The following NAV3 variants were observed in gnomAD, a reference collection of about 807,000 sequenced individuals.
The protein encoded by NAV3 is pore membrane and/or filament interacting like protein 1.
A neutral mutation model predicts 244.7 loss-of-function variants in NAV3; 87 were observed. That is an observed-to-expected ratio of 0.36 (90% CI 0.30 to 0.42). The LOEUF (loss-of-function observed/expected upper bound fraction) is 0.42, where lower values mean the gene tolerates loss of function less well. NAV3 is among the 20% of genes least tolerant of loss of function. The probability of loss-of-function intolerance (pLI) is 1.00; values close to 1 mark genes in which losing one functional copy is unlikely to be tolerated. For synonymous variants in NAV3, 1,126 were observed against 1,042.2 expected, an observed-to-expected ratio of 1.08 and a Z score of -1.55; for missense variants, 2,663 against 2,893.3, an observed-to-expected ratio of 0.92 and a Z score of 1.83.
At chr12:78,210,351 T>C in intron 39 of NAV3, 47 bp from the exon 40 acceptor site, 1 of 1,611,862 alleles carries the variant, frequency 6.2e-7, no homozygotes, top group South Asian at 1.1e-5. Flanking sequence ...TGGGCTGGCT[T>C]ACTCAATGCA....
intron 12 of NAV3, among the ~76,000 whole-genome samples, chr12:78,112,461 C>A (rs1265700348): frequency 1.3e-5 from 2 of 152,102 alleles, no homozygotes; most frequent in Non-Finnish European, 2.9e-5. Context: ...TTCAACATGA[C>A]TGGGGAGGCC....
chr12:77,725,728 C>T (rs1050171708), intron 2 of NAV3, among the ~76,000 whole-genome samples: 8 of 151,798 alleles, frequency 5.3e-5, no homozygotes, highest in Non-Finnish European at 1.0e-4. Flanking sequence ...TGATGGCTGG[C>T]GACCACAAAA....
chr12:77,876,213 C>T (rs531095294), intron 1 of NAV3, among the ~76,000 whole-genome samples: 1 of 152,064 alleles, frequency 6.6e-6, no homozygotes, highest in African/African-American at 2.4e-5. Flanking sequence ...AGTGAACATT[C>T]CCTCCATATT....
At chr12:78,114,357 C>T (rs1955260910) in intron 12 of NAV3, among the ~76,000 whole-genome samples, 1 of 152,076 alleles carries the variant, frequency 6.6e-6, no homozygotes, top group Non-Finnish European at 1.5e-5. Context: ...TTACCATATC[C>T]ATTTATTCTC....
At chr12:78,094,693 T>A (rs1954138714) in intron 12 of NAV3, among the ~76,000 whole-genome samples, 1 of 152,088 alleles carries the variant, frequency 6.6e-6, no homozygotes, top group Non-Finnish European at 1.5e-5. Context: ...AATTACCGGG[T>A]TATAAATCCA....
intron 22 of NAV3, among the ~76,000 whole-genome samples, chr12:78,151,649 T>C (rs1423770255): frequency 2.0e-5 from 3 of 151,854 alleles, no homozygotes. Context: ...AGAGAGGTAG[T>C]GTGACTATAG....
chr12:78,092,316 G>A (rs1012792633), intron 12 of NAV3, among the ~76,000 whole-genome samples: 3 of 151,890 alleles, frequency 2.0e-5, no homozygotes, highest in Non-Finnish European at 2.9e-5. Context: ...AAACAGAAAG[G>A]ACGTTGGAGG....
At chr12:77,938,103 C>G (rs959939739) in intron 1 of NAV3, among the ~76,000 whole-genome samples, 8 of 152,122 alleles carry the variant, frequency 5.3e-5, no homozygotes, top group Non-Finnish European at 1.2e-4. Flanking sequence ...TTTTTCAACC[C>G]ATGGCCCCAG....
intron 9 of NAV3, among the ~76,000 whole-genome samples, chr12:78,042,352 G>T (rs1009124331): frequency 6.6e-6 from 1 of 152,318 alleles, no homozygotes; most frequent in Non-Finnish European, 1.5e-5. Context: ...AACATTTTGG[G>T]TTTAGATGCC....
chr12:77,682,066 G>A (rs1434622391), intron 2 of NAV3, among the ~76,000 whole-genome samples: 1 of 152,066 alleles, frequency 6.6e-6, no homozygotes, highest in African/African-American at 2.4e-5. Flanking sequence ...CATGATGATA[G>A]ATCCCTTGAG....
intron 23 of NAV3, among the ~76,000 whole-genome samples, chr12:78,166,272 A>G (rs1315705371): frequency 6.6e-6 from 1 of 151,868 alleles, no homozygotes; most frequent in Non-Finnish European, 1.5e-5. Context: ...TGGAAAGCTC[A>G]GAGAAAAGAG....
rs1883912627 is a variant in NAV3, at chr12:78,058,983, C to T, written c.2517-13C>T. ...TTTAGTTTTCTGTGAATTAATTAGA[C>T]ATTTCTTTTCAGGTACATGACAGAT... On this transcript the variant is annotated splice_polypyrimidine_tract_variant and intron_variant, in intron 11 of 39. Coordinates refer to ENST00000397909, the MANE Select transcript of NAV3 (RefSeq NM_001024383.2). 6.3e-7 allele frequency: 1 copy of T among 1,578,776 alleles called. No homozygotes were observed. The highest frequency in any genetic ancestry group is 1.9e-5 in the Admixed American group (1 of 53,338).
intron 36 of NAV3, 56 bp downstream of exon 36, chr12:78,198,732 G>C: frequency 3.7e-6 from 2 of 544,844 alleles, no homozygotes; most frequent in Non-Finnish European, 3.3e-6. Flanking sequence ...GTTGGGGGGG[G>C]CAGGGGAGGG....
At chr12:77,782,257 A>T (rs1224982014) in intron 2 of NAV3, among the ~76,000 whole-genome samples, 1 of 109,014 alleles carries the variant, frequency 9.2e-6, no homozygotes. Context: ...CCCCGCCTCC[A>T]ACTCCCCCTT....
chr12:77,792,307 T>C (rs910182060), intron 2 of NAV3, among the ~76,000 whole-genome samples: 1 of 152,246 alleles, frequency 6.6e-6, no homozygotes, highest in Non-Finnish European at 1.5e-5. Flanking sequence ...TTTTCTGTTT[T>C]AACCCACATT....
At position 78,188,363 on chromosome 12, in the gene NAV3, C is replaced by A. The variant is rs372636473; in HGVS notation, c.5886+20C>A. The A allele has an allele frequency of 3.7e-5, 57 of 1,544,986 alleles. No homozygotes were observed. The African/African-American group carries it at 6.4e-4, about 17-fold the overall frequency. ...TTTAAGGTATGTTGTGCAAGACACCCTAATAGTACTTTTCAAATATGTTTC... is the reference window on the plus strand; with the variant it reads ...TTTAAGGTATGTTGTGCAAGACACCATAATAGTACTTTTCAAATATGTTTC... On this transcript the variant is annotated intron_variant, in intron 32 of 39. Transcript: ENST00000397909.
chr12:78,020,220 C>T (rs944909823), intron 8 of NAV3, among the ~76,000 whole-genome samples: 3 of 151,788 alleles, frequency 2.0e-5, no homozygotes, highest in African/African-American at 7.3e-5. Flanking sequence ...AAATGGGAAA[C>T]ACACTGGAGA....
Position 78,119,939 on chromosome 12 carries a change from T to C in NAV3, c.3743T>C (p.Phe1248Ser), listed in dbSNP as rs2138641653. 1 of 1,610,642 alleles carries C rather than the reference T, an allele frequency of 6.2e-7. No individual in the cohort carries two copies. The highest frequency in any genetic ancestry group is 8.5e-7 in the Non-Finnish European group (1 of 1,177,772). Residue 1248 changes from phenylalanine to serine, a missense_variant, in exon 15 of 40, where the codon TTT becomes TCT. Phe to Ser is a radical substitution (Grantham distance 155). Transcript: ENST00000397909. ...TATCCAGATATTGCCTCACCCACATTTCGAAGGTAAGGATGTATAAAATGA... is the reference window on the plus strand; with the variant it reads ...TATCCAGATATTGCCTCACCCACATCTCGAAGGTAAGGATGTATAAAATGA... ...SKYPDIASPT[F>S]RRLFGAKAGG...
At chr12:78,071,654 G>A (rs989023829) in intron 12 of NAV3, among the ~76,000 whole-genome samples, 4 of 152,036 alleles carry the variant, frequency 2.6e-5, no homozygotes, top group African/African-American at 9.7e-5. Context: ...TTTTGTATAA[G>A]GTGTAAGGAA....
Sources: gnomAD v4.1 joint callset for allele counts (sites outside exome capture counted in the v4.1 genomes callset) on GRCh38, gnomAD v4.1.1 for gene constraint, MANE v1.5 for transcripts, NCBI Gene and HGNC (gene_info 2026-07-23, HGNC 2026-07-21) for gene names.